The following ACTR1B variants were observed in gnomAD, a reference collection of about 807,000 sequenced individuals.
ACTR1B encodes the protein actin related protein 1B.
Under a neutral mutation model 49.4 loss-of-function variants are expected in ACTR1B, and 34 were observed. That is an observed-to-expected ratio of 0.69 (90% CI 0.52 to 0.92). The LOEUF is 0.92. ACTR1B is among the 40% of genes least tolerant of loss of function. The pLI, the probability that ACTR1B is intolerant of heterozygous loss-of-function variation, is 0.00. For synonymous variants in ACTR1B, 207 were observed against 207.8 expected (o/e 1.00, Z 0.03); for missense variants, 471 against 522.4 (o/e 0.90, Z 0.96).
At chr2:97,662,220 C>T (rs1462917191) in intron 1 of ACTR1B, among the ~76,000 whole-genome samples, 1 of 152,116 alleles carries the variant, frequency 6.6e-6, no homozygotes, top group Non-Finnish European at 1.5e-5. Flanking sequence ...AAGGATGCTG[C>T]TCAACATCCT....
Position 97,660,586 on chromosome 2 carries a change from G to C in ACTR1B, c.174C>G (p.Ile58Met). 1 of 1,614,110 alleles carries C rather than the reference G, an allele frequency of 6.2e-7. No individual in the cohort carries two copies. Among genetic ancestry groups the C allele is most frequent in the Non-Finnish European group, 8.5e-7 (1 of 1,179,990 alleles). ...TCGGTGTTACCTCTGCTTTTGGTCC[G>C]ATGAAGAGGTCCCCCTCCAGGGCTC... The part of the protein sequence containing the change: ...MAGALEGDLF[I>M]GPKAEEHRGL... Residue 58 changes from isoleucine (I) to methionine (M), a missense_variant, in exon 3 of 11, where the codon ATC (isoleucine) becomes ATG (methionine). By Grantham distance (10) the Ile-to-Met change is conservative (BLOSUM62 1). Coordinates refer to ENST00000289228, the MANE Select transcript of ACTR1B (RefSeq NM_005735.4).
chr2:97,660,003 TCCTCTCA>T (rs955197223), intron 3 of ACTR1B: 1 of 184,698 alleles, frequency 5.4e-6, no homozygotes, highest in African/African-American at 2.4e-5. Flanking sequence ...ACCACTTAGC[TCCTCTCA>T]CCACCTCGGC....
rs774432941 is a variant in ACTR1B, at chr2:97,658,674, G to A, written c.441-31C>T. ...ACCAGGTCAGCATCCCCTCACCTCA[G>A]CCACTGAGGCACGGGGACCTCCTCA... is the stretch of plus-strand genomic sequence containing the variant. On this transcript the variant is annotated intron_variant, in intron 5 of 10. Transcript: ENST00000289228. The surrounding 1 kb of genome is among the most constrained non-coding windows in gnomAD (Gnocchi z 5.9). 1 of 1,611,122 alleles carries A rather than the reference G, an allele frequency of 6.2e-7. No homozygotes were observed. Among genetic ancestry groups the A allele is most frequent in the South Asian group, 1.1e-5 (1 of 91,052 alleles).
Position 97,659,254 on chromosome 2 carries a change from A to G in ACTR1B, c.315+98T>C. On this transcript the variant is annotated intron_variant, in intron 4 of 10. Coordinates refer to ENST00000289228, the MANE Select transcript of ACTR1B (RefSeq NM_005735.4). This position sits in a 1 kb window ranked among gnomAD's most constrained non-coding sequence, Gnocchi z 4.0. ...CGGAAAGGCAGCAGGCCCTCTAGAA[A>G]TGTAGAAGGGAAATGTGGGAGCCCG... The G allele has an allele frequency of 1.3e-6, 2 of 1,566,024 alleles. No homozygotes were observed. Among genetic ancestry groups the G allele is most frequent in the East Asian group, 4.5e-5 (2 of 44,500 alleles).
Position 97,660,639 on chromosome 2 carries a change from GC to G in ACTR1B, c.120del (p.Arg41GlyfsTer7). The G allele has an allele frequency of 3.1e-6, 5 of 1,613,974 alleles. No homozygotes were observed. The highest frequency in any genetic ancestry group is 4.2e-6 in the Non-Finnish European group (5 of 1,179,956). ...IPKYCFPNYV[G>X]RPKHMRVMAG... is the part of the protein sequence containing the mutation. ...GCCATCACCCGCATGTGCTTCGGCC[GC>G]CCGACACTGTTAGGACGGATAACGT... On this transcript the variant is annotated frameshift_variant, in exon 3 of 11. Transcript: ENST00000289228. LOFTEE classifies it high-confidence loss of function.
rs1242145969 is a variant in ACTR1B at position 97,663,849 on chromosome 2, G to C, written c.42C>G (p.Ile14Met). 2.8e-6 allele frequency: 4 copies of C among 1,418,450 alleles called. No individual in the cohort carries two copies. The South Asian group carries it at 5.6e-5, about 20-fold the overall frequency. 87.9% of individuals were successfully genotyped at this position (1,418,450 alleles called of 1,614,324 possible). Residue 14 changes from isoleucine (I) to methionine (M), a missense_variant, in exon 1 of 11, where the codon ATC becomes ATG. By Grantham distance (10) the Ile-to-Met change is conservative. Transcript: ENST00000289228. ...CCTGGCTGCCGGGCCTCACGTTGTC[G>C]ATGACCACAGGCTGGTTGGCGATGA... The part of the protein sequence containing the change: ...YDIIANQPVV[I>M]DNGSGVIKAG...
rs902465302 is a variant in ACTR1B, at chr2:97,659,845, C to T, written c.190-368G>A. ...GCGCCGGCACCTTGCAGCCGCCCAA[C>T]ACGGCCCCTCCTGGGCCACCTGTGC... On this transcript the variant is annotated intron_variant, in intron 3 of 10. Coordinates refer to ENST00000289228, the MANE Select transcript of ACTR1B (RefSeq NM_005735.4). This position sits in a 1 kb window ranked among gnomAD's most constrained non-coding sequence, Gnocchi z 4.0. 6.4e-5 allele frequency: 21 copies of T among 328,420 alleles called. No homozygotes were observed. Among genetic ancestry groups the T allele is most frequent in the Middle Eastern group, 1.9e-3 (2 of 1,028 alleles). The allele number at this position is 328,420 out of a possible 1,614,324, so 20.3% of individuals were successfully genotyped here. A position where few individuals can be genotyped will look rare whatever the true frequency, so the allele number is the denominator to read the frequency against.
chr2:97,663,513 C>T (rs962741720), intron 1 of ACTR1B, among the ~76,000 whole-genome samples: 4 of 152,214 alleles, frequency 2.6e-5, no homozygotes, highest in Non-Finnish European at 4.4e-5. Context: ...TGGAAACCTG[C>T]CCAGGAACCG....
chr2:97,657,654 T>C, intron 8 of ACTR1B, 145 bp from the exon 9 acceptor site: 2 of 941,634 alleles, frequency 2.1e-6, no homozygotes, highest in East Asian at 5.0e-5. Context: ...TGAGAAATGA[T>C]CCAGCCCCAT....
In ACTR1B at chr2:97,659,747, CTCT is replaced by C. The variant is rs975184741; in HGVS notation, c.190-273_190-271del. The C allele has an allele frequency of 3.3e-4, 172 of 524,674 alleles. No individual in the cohort carries two copies. Among genetic ancestry groups the C allele is most frequent in the African/African-American group, 3.2e-3 (166 of 52,030 alleles). The allele number at this position is 524,674 out of a possible 1,614,324, so 32.5% of individuals were successfully genotyped here. ...CAGTGTGCCCCGCAATCTGCAGGCTCTCTTCTTCCCCATTCTCACTGCCGGCAC... is the reference window on the plus strand; with the variant it reads ...CAGTGTGCCCCGCAATCTGCAGGCTCTCTTCCCCATTCTCACTGCCGGCAC... On this transcript the variant is annotated intron_variant, in intron 3 of 10. Transcript: ENST00000289228. This position sits in a 1 kb window ranked among gnomAD's most constrained non-coding sequence, Gnocchi z 4.0.
At chr2:97,660,426 AG>A in intron 3 of ACTR1B, 144 bp downstream of exon 3, 1 of 740,106 alleles carries the variant, frequency 1.4e-6, no homozygotes, top group Non-Finnish European at 2.3e-6. Context: ...GCCCCATCTC[AG>A]GGGGAGGTGC....
At chr2:97,662,689 CTG>C (rs1336214177) in intron 1 of ACTR1B, among the ~76,000 whole-genome samples, 1 of 152,216 alleles carries the variant, frequency 6.6e-6, no homozygotes, top group Non-Finnish European at 1.5e-5. Context: ...TCGCAACCCT[CTG>C]AGTCTGCAGC....
rs202198904 is a variant in ACTR1B at position 97,659,345 on chromosome 2, G to A, written c.315+7C>T. The A allele has an allele frequency of 1.1e-5, 18 of 1,613,660 alleles. No homozygotes were observed. The highest frequency in any genetic ancestry group is 4.0e-5 in the African/African-American group (3 of 74,906). Reference sequence around the variant, plus strand: ...TGCAGAGCATGCAGGAGGGGCAGCCGCCACACCTCCTCCGAGAAGGTCTGC... The same window carrying A: ...TGCAGAGCATGCAGGAGGGGCAGCCACCACACCTCCTCCGAGAAGGTCTGC... On this transcript the variant is annotated splice_region_variant and intron_variant, in intron 4 of 10. Coordinates refer to ENST00000289228, the MANE Select transcript of ACTR1B (RefSeq NM_005735.4). This position sits in a 1 kb window ranked among gnomAD's most constrained non-coding sequence, Gnocchi z 4.0.
At position 97,659,373 on chromosome 2, in the gene ACTR1B, C is replaced by T. The variant is rs778515407; in HGVS notation, c.294G>A (p.Gln98=). 6.2e-7 allele frequency: 1 copy of T among 1,613,972 alleles called. No homozygotes were observed. Among genetic ancestry groups the T allele is most frequent in the African/African-American group, 1.3e-5 (1 of 74,924 alleles). Residue 98 remains glutamine (Q), a synonymous_variant, in exon 4 of 11, where the codon CAG becomes CAA. Transcript: ENST00000289228. The surrounding 1 kb of genome is among the most constrained non-coding windows in gnomAD (Gnocchi z 4.0). ...ACACCTCCTCCGAGAAGGTCTGCAG[C>T]TGATCCTTGGAGTAGACGTACTGCC... ...RIWQYVYSKD[Q]LQTFSEEHPV... is the part of the protein sequence containing the mutation.
chr2:97,662,151 C>A (rs1459931531), intron 1 of ACTR1B, among the ~76,000 whole-genome samples: 1 of 152,118 alleles, frequency 6.6e-6, no homozygotes, highest in East Asian at 1.9e-4. Flanking sequence ...CAATGTCTGG[C>A]AGCTGGGGAG....
Position 97,658,059 on chromosome 2 carries a change from T to G in ACTR1B, c.809A>C (p.Asp270Ala). ...ELLFQPDLVG[D>A]ESEGLHEVVA... ...CACCTCATGGAGCCCCTCACTCTCA[T>G]CCCCGACAAGGTCCGGCTGGAACAG... Residue 270 changes from aspartate to alanine, a missense_variant, in exon 8 of 11, where the codon GAT (aspartate) becomes GCT (alanine). Physicochemically the swap from Asp to Ala is moderately radical, Grantham distance 126 (BLOSUM62 -2). Transcript: ENST00000289228. The surrounding 1 kb of genome is among the most constrained non-coding windows in gnomAD (Gnocchi z 5.9). 1 of 1,613,982 alleles carries G rather than the reference T, an allele frequency of 6.2e-7. No individual in the cohort carries two copies. The highest frequency in any genetic ancestry group is 8.5e-7 in the Non-Finnish European group (1 of 1,179,988).
In ACTR1B at chr2:97,657,166, G is replaced by A. The variant is rs771386102; in HGVS notation, c.1014C>T (p.Tyr338=). The A allele has an allele frequency of 6.2e-7, 1 of 1,613,744 alleles. No homozygotes were observed. Among genetic ancestry groups the A allele is most frequent in the African/African-American group, 1.3e-5 (1 of 75,060 alleles). The change falls in exon 10 of 11, where the codon TAC becomes TAT. Residue 338 remains tyrosine, a synonymous_variant. Transcript: ENST00000289228. The part of the protein sequence containing the change: ...IKISAPQERL[Y]STWIGGSILA... ...CCCCGCCTCACCCAATCCATGTGGA[G>A]TACAGCCGTTCCTGCGGGGCTGAGA...
At chr2:97,657,423 C>T in intron 9 of ACTR1B, 25 bp downstream of exon 9, 1 of 1,613,796 alleles carries the variant, frequency 6.2e-7, no homozygotes, top group South Asian at 1.1e-5. Flanking sequence ...CCCTAGTGCC[C>T]CAGGGGGAGT....
At position 97,657,449 on chromosome 2, in the gene ACTR1B, T is replaced by C. The variant is rs141455728; in HGVS notation, c.986A>G (p.Lys329Arg). 1.2e-6 allele frequency: 2 copies of C among 1,614,118 alleles called. No homozygotes were observed. The highest frequency in any genetic ancestry group is 1.3e-5 in the African/African-American group (1 of 74,942). Residue 329 changes from lysine (K) to arginine (R), a missense_variant and splice_region_variant, in exon 9 of 11, where the codon AAG (lysine) becomes AGG (arginine). Transcript: ENST00000289228. ...CAGGGGGAGTTTCTGTAACCTCACCTTGATTTTGATATCCTTTGGGGCAAG... is the reference window on the plus strand; with the variant it reads ...CAGGGGGAGTTTCTGTAACCTCACCCTGATTTTGATATCCTTTGGGGCAAG... ...KKLAPKDIKI[K>R]ISAPQERLYS...
Sources: allele counts gnomAD v4.1 joint callset (sites outside exome capture counted in the v4.1 genomes callset), GRCh38; gene constraint gnomAD v4.1.1; non-coding constraint Gnocchi (gnomAD v3.1); transcripts MANE v1.5; gene names NCBI Gene and HGNC (gene_info 2026-07-23, HGNC 2026-07-21).